Variants in MUC3A observed in about 807,000 individuals in gnomAD.
MUC3A encodes the protein mucin 3A, cell surface associated.
MUC3A carries 109 observed loss-of-function variants against 109.0 expected under a neutral mutation model. The observed-to-expected ratio is 1.00, with a 90% CI of 0.86 to 1.17. The LOEUF (loss-of-function observed/expected upper bound fraction) is 1.17, where lower values mean the gene tolerates loss of function less well. MUC3A is among the 50% of genes most tolerant of loss of function. MUC3A has a pLI of 0.00. For missense variants in MUC3A, 3,537 were observed against 2,469.4 expected, an observed-to-expected ratio of 1.43 and a Z score of -9.16; for synonymous variants, 1,398 against 981.4, an observed-to-expected ratio of 1.42 and a Z score of -7.93.
rs76664943 is a variant in MUC3A, at chr7:100,952,882, C to T, written c.1103C>T (p.Pro368Leu). 7.1e-6 allele frequency: 11 copies of T among 1,560,112 alleles called. No homozygotes were observed. The Admixed American group carries it at 1.3e-4, about 18-fold the overall frequency. Residue 368 changes from proline (P) to leucine (L), a missense_variant, in exon 2 of 12, where the codon CCA (proline) becomes CTA (leucine). Transcript: ENST00000379458. The part of the protein sequence containing the change: ...TGTLSTETSL[P>L]PTSSSLPTTE... ...ACATTGTCCACAGAGACTTCTCTCC[C>T]ACCCACCTCTTCCTCTCTCCCAACC... is the stretch of plus-strand genomic sequence containing the variant.
chr7:100,952,979 C>T lies in MUC3A; in HGVS notation c.1200C>T (p.Pro400=), dbSNP rs78047302. 6.9e-7 allele frequency: 1 copy of T among 1,452,736 alleles called. No homozygotes were observed. The highest frequency in any genetic ancestry group is 9.0e-7 in the Non-Finnish European group (1 of 1,107,588). The allele number at this position is 1,452,736 out of a possible 1,614,324, so 90.0% of individuals were successfully genotyped here. ...CTGAGATCTCCTCCCACAGTACTCC[C>T]AGCTTCTCTTCATCAACCATCTACT... ...TTTEISSHST[P]SFSSSTIYST... is the part of the protein sequence containing the mutation. The change falls in exon 2 of 12, where the codon CCC becomes CCT. Residue 400 remains proline (P), a synonymous_variant. Transcript: ENST00000379458.
At chr7:100,964,600 C>G (rs1366292962) in intron 5 of MUC3A, 95 bp from the exon 6 acceptor site, 2 of 1,499,410 alleles carry the variant, frequency 1.3e-6, no homozygotes, top group Non-Finnish European at 1.8e-6. Flanking sequence ...GCTCCCTTCC[C>G]CCTTCTGGTG....
At chr7:100,950,003 G>T (rs995784327) in intron 1 of MUC3A, among the ~76,000 whole-genome samples, 11 of 152,298 alleles carry the variant, frequency 7.2e-5, no homozygotes, top group African/African-American at 2.7e-4. Context: ...AGGGTAGAGG[G>T]TGGGATTTAC....
At chr7:100,963,630 C>T in intron 4 of MUC3A, 58 bp from the exon 5 acceptor site, 1 of 1,597,962 alleles carries the variant, frequency 6.3e-7, no homozygotes, top group Non-Finnish European at 8.5e-7. Flanking sequence ...GGTTGGGCGT[C>T]TGGGTCCCCT....
chr7:100,965,656 G>C (rs766525424), intron 7 of MUC3A, 48 bp from the exon 8 acceptor site: 1 of 1,569,642 alleles, frequency 6.4e-7, no homozygotes, highest in Non-Finnish European at 8.6e-7. Context: ...CCCCTGAATA[G>C]AATGGATGAG....
At chr7:100,965,978 C>A (rs943472381) in intron 8 of MUC3A, 112 bp downstream of exon 8, 19 of 1,440,234 alleles carry the variant, frequency 1.3e-5, no homozygotes, top group South Asian at 8.5e-5. Flanking sequence ...AGTGGAGCCT[C>A]GTCCCCAGAG....
At position 100,959,895 on chromosome 7, in the gene MUC3A, A is replaced by G. The variant is rs1378642674; in HGVS notation, c.8116A>G (p.Thr2706Ala). 4 of 1,537,148 alleles carry G rather than the reference A, an allele frequency of 2.6e-6. No individual in the cohort carries two copies. Among genetic ancestry groups the G allele is most frequent in the Non-Finnish European group, 3.5e-6 (4 of 1,151,378 alleles). ...SASITPVFST[T>A]IHSVPSSPYI... ...CAGCATAACTCCAGTGTTTTCCACTACCATTCATTCTGTTCCTTCTTCACC... is the reference window on the plus strand; with the variant it reads ...CAGCATAACTCCAGTGTTTTCCACTGCCATTCATTCTGTTCCTTCTTCACC... Residue 2706 changes from threonine (T) to alanine (A), a missense_variant, in exon 2 of 12, where the codon ACC becomes GCC. Physicochemically the swap from Thr to Ala is moderately conservative, Grantham distance 58 (BLOSUM62 0). Coordinates refer to ENST00000379458, the MANE Select transcript of MUC3A (RefSeq NM_005960.2).
At position 100,953,041 on chromosome 7, in the gene MUC3A, T is replaced by C. The variant is rs1187836644; in HGVS notation, c.1262T>C (p.Leu421Pro). 2.8e-6 allele frequency: 4 copies of C among 1,437,110 alleles called. No individual in the cohort carries two copies. Among genetic ancestry groups the C allele is most frequent in the Admixed American group, 1.8e-5 (1 of 56,322 alleles). The allele number at this position is 1,437,110 out of a possible 1,614,324, so 89.0% of individuals were successfully genotyped here. A position where few individuals can be genotyped will look rare whatever the true frequency, so the allele number is the denominator to read the frequency against. The part of the protein sequence containing the change: ...VSTSTTAISS[L>P]PPTSGTMVTS... Reference sequence around the variant, plus strand: ...ACATCCACAACTGCCATCTCCTCACTTCCCCCTACCTCAGGTACTATGGTG... The same window carrying C: ...ACATCCACAACTGCCATCTCCTCACCTCCCCCTACCTCAGGTACTATGGTG... Residue 421 changes from leucine to proline, a missense_variant, in exon 2 of 12, where the codon CTT becomes CCT. Transcript: ENST00000379458.
Position 100,958,930 on chromosome 7 carries a change from C to A in MUC3A, c.7151C>A (p.Thr2384Asn), listed in dbSNP as rs547910048. ...SFSSSITTTE[T>N]PLHSTPGLTS... ...AGTTCTTCAATCACCACCACTGAGA[C>A]CCCCTTACACAGTACTCCTGGCCTC... The change falls in exon 2 of 12, where the codon ACC (threonine) becomes AAC (asparagine). Residue 2384 changes from threonine to asparagine, a missense_variant. Coordinates refer to ENST00000379458, the MANE Select transcript of MUC3A (RefSeq NM_005960.2). The A allele has an allele frequency of 6.6e-7, 1 of 1,512,542 alleles. No homozygotes were observed. Among genetic ancestry groups the A allele is most frequent in the Non-Finnish European group, 8.8e-7 (1 of 1,140,108 alleles). The allele number at this position is 1,512,542 out of a possible 1,614,324, so 93.7% of individuals were successfully genotyped here. A position where few individuals can be genotyped will look rare whatever the true frequency, so the allele number is the denominator to read the frequency against.
chr7:100,959,984 C>G lies in MUC3A; in HGVS notation c.8205C>G (p.Ser2735=). The change falls in exon 2 of 12, where the codon TCC becomes TCG. Residue 2735 remains serine, a synonymous_variant. Transcript: ENST00000379458. The part of the protein sequence containing the change: ...ASITGFPSLS[S]SATTSTSSTS... Reference sequence around the variant, plus strand: ...TCACAGGCTTTCCTAGTCTCTCTTCCTCTGCAACTACCAGCACTTCTTCAA... The same window carrying G: ...TCACAGGCTTTCCTAGTCTCTCTTCGTCTGCAACTACCAGCACTTCTTCAA... 6.6e-7 allele frequency: 1 copy of G among 1,508,030 alleles called. No homozygotes were observed. Among genetic ancestry groups the G allele is most frequent in the Non-Finnish European group, 8.8e-7 (1 of 1,139,610 alleles). 93.4% of individuals were successfully genotyped at this position (1,508,030 alleles called of 1,614,324 possible).
At chr7:100,961,467 C>T (rs1391199713) in intron 3 of MUC3A, among the ~76,000 whole-genome samples, 1 of 116,142 alleles carries the variant, frequency 8.6e-6, no homozygotes, top group Non-Finnish European at 1.9e-5. Context: ...AATTGCTTCT[C>T]CCACTGTTAA....
rs771881631 is a variant in MUC3A at position 100,960,877 on chromosome 7, C to G, written c.8992C>G (p.Gln2998Glu). The G allele has an allele frequency of 6.3e-7, 1 of 1,598,424 alleles. No individual in the cohort carries two copies. Among genetic ancestry groups the G allele is most frequent in the African/African-American group, 1.3e-5 (1 of 74,962 alleles). ...GGGTCAGTGGGATGGCCTCAAATGC[C>G]AGTGCCCCAGCACCTTCTATGGTTC... ...NGGQWDGLKC[Q>E]CPSTFYGSSC... is the part of the protein sequence containing the mutation. Residue 2998 changes from glutamine (Q) to glutamate (E), a missense_variant, in exon 3 of 12, where the codon CAG becomes GAG. Gln to Glu is a conservative substitution (Grantham distance 29, BLOSUM62 2). Coordinates refer to ENST00000379458, the MANE Select transcript of MUC3A (RefSeq NM_005960.2).
chr7:100,960,324 TC>T lies in MUC3A; in HGVS notation c.8547del (p.Thr2850LeufsTer24). The T allele has an allele frequency of 1.3e-6, 2 of 1,598,534 alleles. No individual in the cohort carries two copies. Among genetic ancestry groups the T allele is most frequent in the Non-Finnish European group, 1.7e-6 (2 of 1,179,814 alleles). On this transcript the variant is annotated frameshift_variant, in exon 2 of 12. Transcript: ENST00000379458. LOFTEE classifies it high-confidence loss of function. ...ESSISPNASSSTGTGTVPTNT... is the reference protein window; with the variant it reads ...ESSISPNASSXTGTGTVPTNT... ...CAGCATCTCACCCAATGCTTCCAGTTCCACTGGCACTGGGACTGTACCCACA... is the reference window on the plus strand; with the variant it reads ...CAGCATCTCACCCAATGCTTCCAGTTCACTGGCACTGGGACTGTACCCACA...
Position 100,958,852 on chromosome 7 carries a change from T to C in MUC3A, c.7073T>C (p.Phe2358Ser). ...TETNSHSTTSFTSSITTTETT... is the reference protein window; with the variant it reads ...TETNSHSTTSSTSSITTTETT... ...ACCAACTCTCACAGTACTACCAGCTTCACTTCTTCGATCACCACCACCGAG... is the reference window on the plus strand; with the variant it reads ...ACCAACTCTCACAGTACTACCAGCTCCACTTCTTCGATCACCACCACCGAG... Residue 2358 changes from phenylalanine to serine, a missense_variant, in exon 2 of 12, where the codon TTC (phenylalanine) becomes TCC (serine). Transcript: ENST00000379458. 6.3e-7 allele frequency: 1 copy of C among 1,592,944 alleles called. No homozygotes were observed. The highest frequency in any genetic ancestry group is 8.5e-7 in the Non-Finnish European group (1 of 1,176,054).
chr7:100,965,899 G>T, intron 8 of MUC3A, 33 bp downstream of exon 8: 1 of 1,566,686 alleles, frequency 6.4e-7, no homozygotes, highest in Non-Finnish European at 8.6e-7. Context: ...CATCAGCCGA[G>T]CCCCTCCCAC....
At chr7:100,964,388 A>G in intron 5 of MUC3A, 1 of 376,826 alleles carries the variant, frequency 2.7e-6, no homozygotes, top group South Asian at 1.1e-4. Flanking sequence ...TTAGCCCAGG[A>G]GTTGGAGGCT....
In MUC3A at chr7:100,962,231, CAAAAAAAAAAAAAAAAA is replaced by C. The variant is rs1171031869; in HGVS notation, c.9053-900_9053-884del. ...TGGGCGACAGAGCGAGACTCCGTCT[CAAAAAAAAAAAAAAAAA>C]AAAAAAAAAAAAAAAAAAACTTACC... On this transcript the variant is annotated intron_variant, in intron 3 of 11. Transcript: ENST00000379458. 2.7e-4 allele frequency among the ~76,000 whole-genome samples: 4 copies of C among 15,028 alleles called. 1 individual carries two copies. The highest frequency in any genetic ancestry group is 4.8e-4 in the Non-Finnish European group (4 of 8,350). The allele number at this position is 15,028 out of a possible 152,430, so 9.9% of individuals were successfully genotyped here.
At chr7:100,962,163 C>T (rs1282510101) in intron 3 of MUC3A, among the ~76,000 whole-genome samples, 1 of 90,778 alleles carries the variant, frequency 1.1e-5, no homozygotes, top group Non-Finnish European at 2.4e-5. Flanking sequence ...ACCCGGGAGG[C>T]GGAGCTTGCA....
chr7:100,966,763 G>A lies in MUC3A; in HGVS notation c.9877+20G>A, dbSNP rs1188017696. On this transcript the variant is annotated intron_variant, in intron 10 of 11. Coordinates refer to ENST00000379458, the MANE Select transcript of MUC3A (RefSeq NM_005960.2). ...GAACAGGTGAGTCCTGCCTCCTGGG[G>A]AAGCAGGCAGAGGCTTTCCTGGGCA... 1 of 1,598,542 alleles carries A rather than the reference G, an allele frequency of 6.3e-7. No homozygotes were observed.
Sources: gnomAD v4.1 joint callset for allele counts (sites outside exome capture counted in the v4.1 genomes callset) on GRCh38, gnomAD v4.1.1 for gene constraint, MANE v1.5 for transcripts, NCBI Gene and HGNC (gene_info 2026-07-23, HGNC 2026-07-21) for gene names.